The following FCHO2 variants were observed in gnomAD, a reference collection of about 807,000 sequenced individuals.
FCHO2 encodes FCH and mu domain containing endocytic adaptor 2, also known as F-BAR domain only protein 2.
In FCHO2, 43 loss-of-function variants were observed where a neutral mutation model predicts 114.1. The ratio of observed to expected loss-of-function variants is 0.38; its 90% CI spans 0.30 to 0.49. The LOEUF is 0.49. Ranked by LOEUF, FCHO2 falls within the 20% of genes least tolerant of loss-of-function variation. The pLI is 0.97. For synonymous variants in FCHO2, 293 were observed against 315.2 expected (o/e 0.93, Z 0.75); for missense variants, 807 against 950.4 (o/e 0.85, Z 1.98).
At chr5:73,013,875 G>A (rs1464008517) in intron 6 of FCHO2, among the ~76,000 whole-genome samples, 1 of 151,980 alleles carries the variant, frequency 6.6e-6, no homozygotes, top group Non-Finnish European at 1.5e-5. Context: ...TAGTAGAGAC[G>A]GGGTTTCACC....
Position 73,088,244 on chromosome 5 carries a change from A to G in FCHO2, c.*154A>G, listed in dbSNP as rs1254341731. 3 of 888,054 alleles carry G rather than the reference A, an allele frequency of 3.4e-6. No individual in the cohort carries two copies. Among genetic ancestry groups the G allele is most frequent in the Middle Eastern group, 2.2e-4 (1 of 4,508 alleles). 55.0% of individuals were successfully genotyped at this position (888,054 alleles called of 1,614,324 possible). On this transcript the variant is annotated 3_prime_UTR_variant, in exon 26 of 26. Coordinates refer to ENST00000430046, the MANE Select transcript of FCHO2 (RefSeq NM_138782.3). ...AACATTAAATCGCACTTTTAAAGTG[A>G]GTCATTGAAATAAATAGTACTGAAA...
intron 8 of FCHO2, among the ~76,000 whole-genome samples, chr5:73,031,040 CAA>C (rs1756213027): frequency 6.6e-6 from 1 of 152,094 alleles, no homozygotes; most frequent in African/African-American, 2.4e-5. Flanking sequence ...GCATCTAGTT[CAA>C]AAAGAGTATC....
intron 5 of FCHO2, among the ~76,000 whole-genome samples, chr5:72,994,774 A>C (rs1309513480): frequency 1.3e-5 from 2 of 152,384 alleles, no homozygotes; most frequent in East Asian, 3.9e-4. Context: ...GTGGAATACT[A>C]TGCAGCCATA....
At chr5:72,984,498 C>A (rs1467423145) in intron 2 of FCHO2, among the ~76,000 whole-genome samples, 1 of 151,800 alleles carries the variant, frequency 6.6e-6, no homozygotes, top group Admixed American at 6.6e-5. Flanking sequence ...CTGGTAAAGC[C>A]CTCTGGGCTT....
chr5:72,973,574 C>T (rs1306075478), intron 2 of FCHO2, among the ~76,000 whole-genome samples: 1 of 151,350 alleles, frequency 6.6e-6, no homozygotes, highest in Non-Finnish European at 1.5e-5. Context: ...TTTATTGCGT[C>T]TATTTGATTC....
chr5:73,071,330 C>A (rs1312970257), intron 19 of FCHO2, among the ~76,000 whole-genome samples: 1 of 151,618 alleles, frequency 6.6e-6, no homozygotes, highest in East Asian at 1.9e-4. Flanking sequence ...AAAAAAAAAA[C>A]CTCTAATACC....
chr5:73,078,692 A>G (rs1417289351), intron 22 of FCHO2, among the ~76,000 whole-genome samples: 2 of 152,206 alleles, frequency 1.3e-5, no homozygotes, highest in African/African-American at 2.4e-5. Flanking sequence ...CAGGTAAGAG[A>G]ACAAAATAAG....
At chr5:73,087,812 T>C in intron 25 of FCHO2, 59 bp downstream of exon 25, 1 of 1,518,050 alleles carries the variant, frequency 6.6e-7, no homozygotes, top group Non-Finnish European at 8.8e-7. Context: ...ATTCTAACAG[T>C]TATTAAAAAA....
At chr5:73,016,803 G>T (rs1301916992) in intron 7 of FCHO2, among the ~76,000 whole-genome samples, 1 of 152,136 alleles carries the variant, frequency 6.6e-6, no homozygotes, top group African/African-American at 2.4e-5. Context: ...AGGCTGAGGT[G>T]GGAGGATCAC....
chr5:72,990,931 A>T (rs960725964), intron 5 of FCHO2, 67 bp downstream of exon 5: 2 of 1,465,568 alleles, frequency 1.4e-6, no homozygotes, highest in African/African-American at 2.9e-5. Flanking sequence ...TGCATTTAAC[A>T]TTTAGATCAA....
At chr5:73,032,006 A>G (rs886751466) in intron 8 of FCHO2, among the ~76,000 whole-genome samples, 7 of 152,286 alleles carry the variant, frequency 4.6e-5, no homozygotes, top group African/African-American at 1.7e-4. Flanking sequence ...ATGATTAAAT[A>G]GCAGAATGAT....
At chr5:72,959,117 A>T (rs1044474975) in intron 1 of FCHO2, among the ~76,000 whole-genome samples, 2 of 152,160 alleles carry the variant, frequency 1.3e-5, no homozygotes, top group African/African-American at 4.8e-5. Flanking sequence ...ACTGCATTTT[A>T]TTTTATTTCC....
intron 17 of FCHO2, among the ~76,000 whole-genome samples, chr5:73,059,094 C>CT (rs956145346): frequency 2.0e-5 from 3 of 152,134 alleles, no homozygotes; most frequent in African/African-American, 7.2e-5. Flanking sequence ...TATGAAGTTT[C>CT]TCTTTTCATT....
intron 16 of FCHO2, 47 bp downstream of exon 16, chr5:73,056,154 A>C: frequency 7.0e-7 from 1 of 1,426,022 alleles, no homozygotes; most frequent in Non-Finnish European, 9.4e-7. Context: ...TTTATTTTTT[A>C]GAGCAGTGTT....
At chr5:73,055,134 A>G (rs577446430) in intron 15 of FCHO2, 2 of 313,930 alleles carry the variant, frequency 6.4e-6, no homozygotes, top group South Asian at 2.7e-5. Flanking sequence ...GAGACCTAGT[A>G]AATGAATAAT....
chr5:73,019,518 G>A (rs558879205), intron 8 of FCHO2, among the ~76,000 whole-genome samples: 1 of 152,270 alleles, frequency 6.6e-6, no homozygotes, highest in South Asian at 2.1e-4. Context: ...TCCAGCCTGG[G>A]TGACAGAGTA....
intron 5 of FCHO2, among the ~76,000 whole-genome samples, chr5:72,998,492 A>AG (rs1465313587): frequency 3.3e-5 from 5 of 152,036 alleles, no homozygotes; most frequent in African/African-American, 1.2e-4. Flanking sequence ...GTCTCAAAAA[A>AG]GAAAAAAAAA....
At chr5:73,030,507 C>T (rs544361344) in intron 8 of FCHO2, among the ~76,000 whole-genome samples, 13 of 152,288 alleles carry the variant, frequency 8.5e-5, no homozygotes, top group African/African-American at 3.1e-4. Flanking sequence ...AATCAGAATC[C>T]GTATTTTAAT....
intron 11 of FCHO2, among the ~76,000 whole-genome samples, chr5:73,050,294 CTATTTATTTATT>C (rs3054232): frequency 0.033 from 4,061 of 123,546 alleles, 79 homozygotes; most frequent in South Asian, 0.047. Flanking sequence ...TAGCTTTCTG[CTATTTATTTATT>C]TATTTATTTA....
Sources: allele counts gnomAD v4.1 joint callset (sites outside exome capture counted in the v4.1 genomes callset), GRCh38; gene constraint gnomAD v4.1.1; transcripts MANE v1.5; gene names NCBI Gene and HGNC (gene_info 2026-07-23, HGNC 2026-07-21).